LRP1B: variants seen among roughly 807,000 people sequenced by gnomAD.
The protein encoded by LRP1B is LDL receptor related protein 1B.
A neutral mutation model predicts 556.6 loss-of-function variants in LRP1B; 217 were observed. The ratio of observed to expected loss-of-function variants is 0.39; its 90% CI spans 0.35 to 0.44. The LOEUF (loss-of-function observed/expected upper bound fraction) is 0.44. Ranked by LOEUF, LRP1B falls within the 20% of genes least tolerant of loss-of-function variation. LRP1B has a pLI of 1.00. For synonymous variants in LRP1B, 2,047 were observed against 1,865.8 expected, an observed-to-expected ratio of 1.10 and a Z score of -2.50; for missense variants, 5,053 against 5,620.8, an observed-to-expected ratio of 0.90 and a Z score of 3.23.
chr2:141,389,323 G>C (rs1689960856), intron 3 of LRP1B, among the ~76,000 whole-genome samples: 1 of 152,074 alleles, frequency 6.6e-6, no homozygotes, highest in African/African-American at 2.4e-5. Flanking sequence ...TATATATCTA[G>C]GGGCACTTGA....
intron 3 of LRP1B, among the ~76,000 whole-genome samples, chr2:141,388,625 T>C (rs770691882): frequency 6.6e-6 from 1 of 152,076 alleles, no homozygotes; most frequent in Non-Finnish European, 1.5e-5. Flanking sequence ...CTTTTAACAC[T>C]TCTGCTGAAT....
At chr2:140,987,023 T>A (rs2105349484) in intron 17 of LRP1B, among the ~76,000 whole-genome samples, 1 of 152,254 alleles carries the variant, frequency 6.6e-6, no homozygotes, top group Non-Finnish European at 1.5e-5. Context: ...TGGATTGAAA[T>A]CCAGAAAGAA....
chr2:140,361,889 G>A (rs374905780), intron 72 of LRP1B, among the ~76,000 whole-genome samples: 15 of 151,610 alleles, frequency 9.9e-5, no homozygotes, highest in East Asian at 3.9e-4. Context: ...CTACTCGAAT[G>A]TCTCCTCAAA....
chr2:140,514,870 A>G, intron 50 of LRP1B, 98 bp from the exon 51 acceptor site: 1 of 1,147,440 alleles, frequency 8.7e-7, no homozygotes. Context: ...GCTAAAATCA[A>G]CAATCCTATA....
At chr2:141,729,105 T>TGTAA (rs1462692688) in intron 2 of LRP1B, among the ~76,000 whole-genome samples, 1 of 152,156 alleles carries the variant, frequency 6.6e-6, no homozygotes. Context: ...TTCAGGCAGA[T>TGTAA]GCTTAACAAG....
At chr2:141,477,800 G>A (rs576294176) in intron 3 of LRP1B, among the ~76,000 whole-genome samples, 2 of 152,180 alleles carry the variant, frequency 1.3e-5, no homozygotes, top group South Asian at 4.2e-4. Flanking sequence ...AGGTTAAATA[G>A]CAAGTAGAAA....
chr2:142,108,269 G>C (rs868283999), intron 1 of LRP1B, among the ~76,000 whole-genome samples: 1 of 151,948 alleles, frequency 6.6e-6, no homozygotes, highest in African/African-American at 2.4e-5. Context: ...GAGCTCTACC[G>C]TTATGCTAAA....
intron 3 of LRP1B, among the ~76,000 whole-genome samples, chr2:141,307,557 T>G (rs1198235378): frequency 1.3e-5 from 2 of 152,186 alleles, no homozygotes; most frequent in Non-Finnish European, 2.9e-5. Context: ...TTTTTATTTT[T>G]CATTCATTCA....
At chr2:141,553,675 A>G (rs1685837772) in intron 2 of LRP1B, among the ~76,000 whole-genome samples, 2 of 144,654 alleles carry the variant, frequency 1.4e-5, no homozygotes. Context: ...TAACATATAG[A>G]TATATATCAT....
At chr2:141,654,635 T>C (rs955654564) in intron 2 of LRP1B, among the ~76,000 whole-genome samples, 1 of 152,094 alleles carries the variant, frequency 6.6e-6, no homozygotes, top group Non-Finnish European at 1.5e-5. Context: ...TTTCTAGCTG[T>C]ATCTAGCTCT....
At chr2:140,339,022 T>C (rs1309703277) in intron 77 of LRP1B, among the ~76,000 whole-genome samples, 1 of 151,710 alleles carries the variant, frequency 6.6e-6, no homozygotes, top group Non-Finnish European at 1.5e-5. Context: ...GGAAGACACA[T>C]TTTGACTGCT....
intron 43 of LRP1B, among the ~76,000 whole-genome samples, chr2:140,556,325 A>G (rs111498685): frequency 0.037 from 5,682 of 152,068 alleles, 154 homozygotes; most frequent in African/African-American, 0.075. Context: ...AGGCCCCCCC[A>G]CAATGTACTC....
chr2:140,859,578 A>T (rs1024547734), intron 27 of LRP1B, among the ~76,000 whole-genome samples: 13 of 152,068 alleles, frequency 8.5e-5, no homozygotes, highest in South Asian at 2.1e-4. Flanking sequence ...GTGGGATTTT[A>T]AAAAAAATGA....
intron 43 of LRP1B, among the ~76,000 whole-genome samples, chr2:140,572,461 G>C (rs780616985): frequency 3.3e-5 from 5 of 151,708 alleles, no homozygotes; most frequent in Admixed American, 6.6e-5. Flanking sequence ...TCTCACCCCA[G>C]TTAGGAAGGC....
Position 141,828,484 on chromosome 2 carries a change from G to A in LRP1B, c.83-18083C>T, listed in dbSNP as rs570927664. 7.2e-5 allele frequency among the ~76,000 whole-genome samples: 11 copies of A among 152,216 alleles called. No homozygotes were observed. In the South Asian group the frequency reaches 1.9e-3, roughly 26 times the overall value. ...TAAAGGGATGGAGGATAGATGTTACGAGAATAGATATTTCTATAAAGAACG... is the reference window on the plus strand; with the variant it reads ...TAAAGGGATGGAGGATAGATGTTACAAGAATAGATATTTCTATAAAGAACG... On this transcript the variant is annotated intron_variant, in intron 1 of 90. Coordinates refer to ENST00000389484, the MANE Select transcript of LRP1B (RefSeq NM_018557.3).
intron 2 of LRP1B, among the ~76,000 whole-genome samples, chr2:141,630,666 C>T (rs567255303): frequency 4.7e-4 from 71 of 152,312 alleles, no homozygotes; most frequent in African/African-American, 1.6e-3. Context: ...TTCAGCTTCA[C>T]AGTGAGTTTA....
chr2:141,779,365 T>A (rs1315010874), intron 2 of LRP1B, among the ~76,000 whole-genome samples: 1 of 151,856 alleles, frequency 6.6e-6, no homozygotes. Flanking sequence ...AAAAAAGATA[T>A]ACTGCATTAT....
chr2:142,040,513 G>T (rs2105214011), intron 1 of LRP1B, among the ~76,000 whole-genome samples: 1 of 150,908 alleles, frequency 6.6e-6, no homozygotes, highest in Admixed American at 6.6e-5. Context: ...TATTCTTCTT[G>T]ATAAAGATGA....
intron 2 of LRP1B, among the ~76,000 whole-genome samples, chr2:141,621,893 T>G (rs747252774): frequency 1.3e-5 from 2 of 150,938 alleles, no homozygotes; most frequent in Non-Finnish European, 2.9e-5. Flanking sequence ...GTTTGTTTGT[T>G]TGTTTCTTTG....
Sources: allele counts gnomAD v4.1 joint callset (sites outside exome capture counted in the v4.1 genomes callset), GRCh38; gene constraint gnomAD v4.1.1; transcripts MANE v1.5; gene names NCBI Gene and HGNC (gene_info 2026-07-23, HGNC 2026-07-21).